Variants in RHOA observed in about 807,000 individuals in gnomAD.
RHOA encodes the protein transforming protein RhoA.
A neutral mutation model predicts 17.5 loss-of-function variants in RHOA; 3 were observed. That is an observed-to-expected ratio of 0.17 (90% CI 0.08 to 0.44). The LOEUF is 0.44. RHOA is among the 20% of genes least tolerant of loss of function. The pLI is 0.99. For synonymous variants in RHOA, 98 were observed against 88.4 expected (o/e 1.11, Z -0.61); for missense variants, 56 against 242.3 (o/e 0.23, Z 5.10).
chr3:49,394,513 G>C (rs1559512717), intron 1 of RHOA, among the ~76,000 whole-genome samples: 1 of 151,984 alleles, frequency 6.6e-6, no homozygotes, highest in Non-Finnish European at 1.5e-5. Flanking sequence ...ACCATGCCCA[G>C]CTAATTTTTG....
chr3:49,379,467 A>G (rs1263581338), intron 1 of RHOA, among the ~76,000 whole-genome samples: 1 of 152,168 alleles, frequency 6.6e-6, no homozygotes, highest in African/African-American at 2.4e-5. Flanking sequence ...ATGGCTGCAC[A>G]ACTCTATGAA....
rs941201886 is a variant in RHOA at position 49,384,859 on chromosome 3, G to A, written c.-2-9268C>T. ...GCAGATCACTTGAGGTCAGGAGTTC[G>A]AAACCAGCAGCCTGGCCAACATGGT... On this transcript the variant is annotated intron_variant, in intron 1 of 4. Transcript: ENST00000418115. Among the ~76,000 whole-genome samples the A allele has an allele frequency of 3.9e-5, 6 of 151,996 alleles. No individual in the cohort carries two copies. The South Asian group carries it at 1.0e-3, about 26-fold the overall frequency.
At chr3:49,399,917 G>C (rs2048693454) in intron 1 of RHOA, among the ~76,000 whole-genome samples, 1 of 152,040 alleles carries the variant, frequency 6.6e-6, no homozygotes, top group Non-Finnish European at 1.5e-5. Context: ...CTTGGAATCT[G>C]AACTCAAGAA....
intron 3 of RHOA, chr3:49,365,181 C>A (rs188125258): frequency 6.8e-6 from 1 of 147,996 alleles, no homozygotes; most frequent in South Asian, 2.2e-4. Context: ...CTTGCTCTGT[C>A]GCCCAGGCTG....
At chr3:49,375,812 C>T (rs2048216538) in intron 1 of RHOA, among the ~76,000 whole-genome samples, 1 of 152,030 alleles carries the variant, frequency 6.6e-6, no homozygotes, top group African/African-American at 2.4e-5. Context: ...GGTCTGCCCC[C>T]TAAGATCAGG....
chr3:49,386,000 T>C (rs2048389596), intron 1 of RHOA, among the ~76,000 whole-genome samples: 1 of 152,220 alleles, frequency 6.6e-6, no homozygotes, highest in Admixed American at 6.5e-5. Context: ...AGTTTTAAAA[T>C]CTGGAGGTGT....
rs568799881 is a variant in RHOA at position 49,395,015 on chromosome 3, C to T, written c.-3+16805G>A. ...TTGTAATCCCAGCACTTTGGGAGGC[C>T]GAGGCGGGCAGATCACGAGGTCAGG... On this transcript the variant is annotated intron_variant, in intron 1 of 4. Coordinates refer to ENST00000418115, the MANE Select transcript of RHOA (RefSeq NM_001664.4). Among the ~76,000 whole-genome samples, 5 of 151,416 alleles carry T rather than the reference C, an allele frequency of 3.3e-5. No individual in the cohort carries two copies. The South Asian group carries it at 6.3e-4, about 19-fold the overall frequency.
intron 1 of RHOA, among the ~76,000 whole-genome samples, chr3:49,386,250 A>G (rs2048393029): frequency 6.8e-6 from 1 of 146,078 alleles, no homozygotes; most frequent in African/African-American, 2.5e-5. Flanking sequence ...TCATTTTTTT[A>G]CTTCCTCTTT....
intron 2 of RHOA, among the ~76,000 whole-genome samples, chr3:49,375,054 C>T (rs146404517): frequency 5.9e-5 from 9 of 151,568 alleles, no homozygotes; most frequent in African/African-American, 1.2e-4. Context: ...GTGGATCACC[C>T]GAGGTCAGAA....
rs147848369 is a variant in RHOA at position 49,409,295 on chromosome 3, C to A, written c.-3+2525G>T. ...CTGTAGTCCCAGCTACTCCAGGGGC[C>A]GAGGCAGGAGAATCACTTGAACCCA... On this transcript the variant is annotated intron_variant, in intron 1 of 4. Transcript: ENST00000418115. Among the ~76,000 whole-genome samples the A allele has an allele frequency of 9.7e-3, 1,465 of 151,778 alleles. 28 individuals are homozygous for A. The highest frequency in any genetic ancestry group is 0.032 in the African/African-American group (1,326 of 41,418).
At chr3:49,404,337 G>A (rs536989660) in intron 1 of RHOA, among the ~76,000 whole-genome samples, 63 of 148,390 alleles carry the variant, frequency 4.2e-4, no homozygotes, top group South Asian at 4.2e-3. Flanking sequence ...GCTCACACCC[G>A]TAATCCCAGT....
chr3:49,395,107 C>T (rs867935798), intron 1 of RHOA, among the ~76,000 whole-genome samples: 15 of 151,600 alleles, frequency 9.9e-5, no homozygotes, highest in African/African-American at 2.9e-4. Flanking sequence ...AAAAAACAGC[C>T]GGGTGTGGTG....
chr3:49,378,841 C>G (rs977559870), intron 1 of RHOA, among the ~76,000 whole-genome samples: 1 of 152,044 alleles, frequency 6.6e-6, no homozygotes, highest in Non-Finnish European at 1.5e-5. Flanking sequence ...TGCAATCCTC[C>G]CGATTCAGCC....
Position 49,407,232 on chromosome 3 carries a change from GTTTTTTTTTTT to G in RHOA, c.-3+4577_-3+4587del, listed in dbSNP as rs61556875. 9.1e-4 allele frequency among the ~76,000 whole-genome samples: 64 copies of G among 70,074 alleles called. 1 individual carries two copies. Among genetic ancestry groups the G allele is most frequent in the Admixed American group, 2.6e-3 (11 of 4,312 alleles). The allele number at this position is 70,074 out of a possible 152,430, so 46.0% of individuals were successfully genotyped here. A position where few individuals can be genotyped will look rare whatever the true frequency, so the allele number is the denominator to read the frequency against. On this transcript the variant is annotated intron_variant, in intron 1 of 4. Transcript: ENST00000418115. The stretch of plus-strand genomic sequence containing the variant: ...AAATTAATATTATGAAATCCTTTCC[GTTTTTTTTTTT>G]TTTTTTTTTTTTTTGAGTCTTGCAC...
intron 2 of RHOA, among the ~76,000 whole-genome samples, chr3:49,375,114 C>T (rs1387250253): frequency 6.6e-6 from 1 of 151,906 alleles, no homozygotes; most frequent in African/African-American, 2.4e-5. Context: ...GAAAAATGAG[C>T]TCAGCATGGT....
At chr3:49,395,286 A>G (rs1227950354) in intron 1 of RHOA, among the ~76,000 whole-genome samples, 1 of 151,758 alleles carries the variant, frequency 6.6e-6, no homozygotes, top group Admixed American at 6.6e-5. Flanking sequence ...GAGATTTTTG[A>G]AAATAAGGGT....
chr3:49,393,674 CTCTGTG>C (rs1439889765), intron 1 of RHOA, among the ~76,000 whole-genome samples: 25 of 4,344 alleles, frequency 5.8e-3, no homozygotes, highest in African/African-American at 0.018. Flanking sequence ...CAAATTCTCT[CTCTGTG>C]TGTGTGTGTG....
chr3:49,393,315 CT>C (rs906008105), intron 1 of RHOA, among the ~76,000 whole-genome samples: 13 of 151,888 alleles, frequency 8.6e-5, no homozygotes, highest in South Asian at 4.2e-4. Flanking sequence ...CTTGTGTCAA[CT>C]TTTTTTTCCA....
chr3:49,401,569 A>T (rs1386862526), intron 1 of RHOA, among the ~76,000 whole-genome samples: 1 of 151,886 alleles, frequency 6.6e-6, no homozygotes, highest in East Asian at 1.9e-4. Flanking sequence ...AAAAAAAAAA[A>T]AAAAAAATTG....
Sources: gnomAD v4.1 joint callset for allele counts (sites outside exome capture counted in the v4.1 genomes callset) on GRCh38, gnomAD v4.1.1 for gene constraint, MANE v1.5 for transcripts, NCBI Gene and HGNC (gene_info 2026-07-23, HGNC 2026-07-21) for gene names.